Variants in CFAP77 observed in about 807,000 individuals in gnomAD.
The protein encoded by CFAP77 is cilia- and flagella-associated protein 77.
Under a neutral mutation model 31.1 loss-of-function variants are expected in CFAP77, and 25 were observed. The ratio of observed to expected loss-of-function variants is 0.80; its 90% confidence interval spans 0.59 to 1.12. The LOEUF (loss-of-function observed/expected upper bound fraction) is 1.12, where lower values mean the gene tolerates loss of function less well. CFAP77 is among the 50% of genes most tolerant of loss of function. The pLI is 0.00. For synonymous variants in CFAP77, 151 were observed against 159.9 expected, an observed-to-expected ratio of 0.94 and a Z score of 0.42; for missense variants, 377 against 397.3, an observed-to-expected ratio of 0.95 and a Z score of 0.44.
intron 5 of CFAP77, among the ~76,000 whole-genome samples, chr9:132,544,420 T>A (rs1411709211): frequency 6.6e-6 from 1 of 151,730 alleles, no homozygotes; most frequent in Non-Finnish European, 1.5e-5. Context: ...TCTCCTGCTC[T>A]CTCACTCACT....
At chr9:132,562,399 C>T (rs1252145155) in intron 5 of CFAP77, among the ~76,000 whole-genome samples, 1 of 152,244 alleles carries the variant, frequency 6.6e-6, no homozygotes, top group Non-Finnish European at 1.5e-5. Flanking sequence ...ACATTCTTTT[C>T]CTTCCGCCCC....
intron 3 of CFAP77, among the ~76,000 whole-genome samples, chr9:132,534,283 A>G (rs1852507285): frequency 6.6e-6 from 1 of 152,040 alleles, no homozygotes; most frequent in African/African-American, 2.4e-5. Context: ...TAATTCTGTC[A>G]TTCCTCCTGC....
chr9:132,498,591 C>A lies in CFAP77; in HGVS notation c.196-104C>A. 1.2e-6 allele frequency: 1 copy of A among 859,960 alleles called. No individual in the cohort carries two copies. Among genetic ancestry groups the A allele is most frequent in the Non-Finnish European group, 1.9e-6 (1 of 535,808 alleles). 53.3% of individuals were successfully genotyped at this position (859,960 alleles called of 1,614,324 possible). The stretch of plus-strand genomic sequence containing the variant: ...TGCCACCCTGAAGGCCACGGCAGGG[C>A]CTGGGGGAAATGCAGGCATCTGGTG... On this transcript the variant is annotated intron_variant, in intron 1 of 5. Coordinates refer to ENST00000393216, the MANE Select transcript of CFAP77 (RefSeq NM_001282957.2). This position sits in a 1 kb window ranked among gnomAD's most constrained non-coding sequence, Gnocchi z 4.2.
chr9:132,563,211 T>A (rs980964958), intron 5 of CFAP77, among the ~76,000 whole-genome samples: 9 of 151,666 alleles, frequency 5.9e-5, no homozygotes, highest in African/African-American at 2.2e-4. Context: ...GATGGGGTCT[T>A]GCTATGTTGT....
intron 5 of CFAP77, among the ~76,000 whole-genome samples, chr9:132,546,380 C>T (rs1038638924): frequency 6.6e-6 from 1 of 152,214 alleles, no homozygotes; most frequent in African/African-American, 2.4e-5. Context: ...CTGCTGCCCC[C>T]ACCCCGGCCC....
chr9:132,502,902 G>A (rs906577908), intron 3 of CFAP77, among the ~76,000 whole-genome samples: 10 of 152,182 alleles, frequency 6.6e-5, no homozygotes, highest in East Asian at 3.9e-4. Flanking sequence ...AGCATGTGCC[G>A]TGTATGCTTT....
At position 132,499,377 on chromosome 9, in the gene CFAP77, G is replaced by A. The variant is rs7047726; in HGVS notation, c.301G>A (p.Gly101Arg). The stretch of plus-strand genomic sequence containing the variant: ...GGGTCTCTCCCTGCCCTCAGCCATC[G>A]GACGCTGGAACGTGTTCAAGCAGCA... ...GLDGGVPEAI[G>R]RWNVFKQQPT... Residue 101 changes from glycine to arginine, a missense_variant, in exon 3 of 6, where the codon GGA (glycine) becomes AGA (arginine). Gly to Arg is a moderately radical substitution (Grantham distance 125, BLOSUM62 -2). Coordinates refer to ENST00000393216, the MANE Select transcript of CFAP77 (RefSeq NM_001282957.2). This position sits in a 1 kb window ranked among gnomAD's most constrained non-coding sequence, Gnocchi z 5.4. 158,800 of 1,613,640 alleles carry A rather than the reference G, an allele frequency of 0.098. 10,882 individuals carry two copies. Among genetic ancestry groups the A allele is most frequent in the East Asian group, 0.42 (18,834 of 44,854 alleles).
intron 5 of CFAP77, among the ~76,000 whole-genome samples, chr9:132,553,113 T>G (rs765862605): frequency 2.6e-5 from 4 of 152,210 alleles, no homozygotes; most frequent in Non-Finnish European, 5.9e-5. Flanking sequence ...TCTTCCTGGC[T>G]TATAGCCAAG....
At position 132,410,363 on chromosome 9, in the gene CFAP77, C is replaced by A. The variant is rs761355557; in HGVS notation, c.92C>A (p.Pro31His). The A allele has an allele frequency of 6.3e-7, 1 of 1,598,992 alleles. No individual in the cohort carries two copies. ...CGCACGGTCAGCCAGGTCTGCCCGC[C>A]CCCGCGGCGGCCCCTGACCGTGGCG... is the stretch of plus-strand genomic sequence containing the variant. ...VRRTVSQVCP[P>H]PRRPLTVADI... The change falls in exon 1 of 6, where the codon CCC becomes CAC. Residue 31 changes from proline to histidine, a missense_variant. Coordinates refer to ENST00000393216, the MANE Select transcript of CFAP77 (RefSeq NM_001282957.2).
At chr9:132,452,876 GA>G (rs1850850270) in intron 1 of CFAP77, among the ~76,000 whole-genome samples, 1 of 152,172 alleles carries the variant, frequency 6.6e-6, no homozygotes, top group Non-Finnish European at 1.5e-5. Context: ...GACCCTTTCT[GA>G]CTCTCAAATT....
chr9:132,462,417 T>A (rs1325646398), intron 1 of CFAP77, among the ~76,000 whole-genome samples: 1 of 152,200 alleles, frequency 6.6e-6, no homozygotes, highest in Non-Finnish European at 1.5e-5. Context: ...GTTTCCCTCC[T>A]TTTTAAAATG....
chr9:132,440,703 A>G (rs1850601170), intron 1 of CFAP77, among the ~76,000 whole-genome samples: 1 of 152,194 alleles, frequency 6.6e-6, no homozygotes, highest in African/African-American at 2.4e-5. Context: ...TGAATCTATC[A>G]TCTCATCTGC....
rs931744853 is a variant in CFAP77 at position 132,565,326 on chromosome 9, A to G, written c.733-7062A>G. Among the ~76,000 whole-genome samples the G allele has an allele frequency of 2.6e-5, 4 of 151,904 alleles. No individual in the cohort carries two copies. The highest frequency in any genetic ancestry group is 2.1e-4 in the South Asian group (1 of 4,782). On this transcript the variant is annotated intron_variant, in intron 5 of 5. Coordinates refer to ENST00000393216, the MANE Select transcript of CFAP77 (RefSeq NM_001282957.2). This position sits in a 1 kb window ranked among gnomAD's most constrained non-coding sequence, Gnocchi z 4.1. ...TGGAGGTAGATTTCCCCAGTCCACA[A>G]TCTTATTAAATAGCTCTTGTCGGCC...
At chr9:132,458,182 A>G (rs1443232953) in intron 1 of CFAP77, among the ~76,000 whole-genome samples, 1 of 152,228 alleles carries the variant, frequency 6.6e-6, no homozygotes, top group African/African-American at 2.4e-5. Flanking sequence ...GCCTTAAATC[A>G]GAACATAAAG....
chr9:132,556,032 G>A (rs76026826), intron 5 of CFAP77, among the ~76,000 whole-genome samples: 4,736 of 152,116 alleles, frequency 0.031, 113 homozygotes, highest in Middle Eastern at 0.082. Flanking sequence ...CACCTGCCCC[G>A]GTGGGAGAAC....
chr9:132,518,473 C>T (rs1235578868), intron 3 of CFAP77, among the ~76,000 whole-genome samples: 2 of 152,212 alleles, frequency 1.3e-5, no homozygotes, highest in Admixed American at 6.5e-5. Context: ...CCCTGAGCAT[C>T]ACACGGGCAA....
intron 1 of CFAP77, among the ~76,000 whole-genome samples, chr9:132,432,818 A>G (rs1589847054): frequency 6.6e-6 from 1 of 152,034 alleles, no homozygotes; most frequent in Non-Finnish European, 1.5e-5. Context: ...GGTTCACGCC[A>G]TTCTCCTGCC....
intron 1 of CFAP77, among the ~76,000 whole-genome samples, chr9:132,465,271 C>T (rs1851133133): frequency 6.6e-6 from 1 of 152,200 alleles, no homozygotes; most frequent in South Asian, 2.1e-4. Flanking sequence ...ATTTTGGGTA[C>T]TCTCTTCTAC....
chr9:132,453,888 C>T (rs926402990), intron 1 of CFAP77, among the ~76,000 whole-genome samples: 2 of 152,202 alleles, frequency 1.3e-5, no homozygotes, highest in East Asian at 3.8e-4. Flanking sequence ...TTGTCCCTTA[C>T]TGATTCAGAG....
Sources: gnomAD v4.1 joint callset for allele counts (sites outside exome capture counted in the v4.1 genomes callset) on GRCh38, gnomAD v4.1.1 for gene constraint, Gnocchi (gnomAD v3.1) non-coding constraint, MANE v1.5 for transcripts, NCBI Gene and HGNC (gene_info 2026-07-23, HGNC 2026-07-21) for gene names.